Variants in DMD observed in about 807,000 individuals in gnomAD.
DMD encodes mutant dystrophin.
A neutral mutation model predicts 330.1 loss-of-function variants in DMD; 63 were observed. The ratio of observed to expected loss-of-function variants is 0.19; its 90% confidence interval spans 0.16 to 0.24. DMD has a LOEUF of 0.24. DMD is among the 10% of genes least tolerant of loss of function. DMD has a pLI of 1.00. For missense variants in DMD, 3,344 were observed against 2,684.1 expected, an observed-to-expected ratio of 1.25 and a Z score of -5.43; for synonymous variants, 1,223 against 959.8, an observed-to-expected ratio of 1.27 and a Z score of -5.07.
At chrX:32,528,702 T>G (rs892936406) in intron 17 of DMD, among the ~76,000 whole-genome samples, 4 of 111,046 alleles carry the variant, frequency 3.6e-5, no homozygotes, top group African/African-American at 9.8e-5. Flanking sequence ...CTCTGAAGCC[T>G]GCTAGCTAAA....
chrX:31,831,657 G>A (rs1305197147), intron 49 of DMD, among the ~76,000 whole-genome samples: 1 of 111,171 alleles, frequency 9.0e-6, no homozygotes, highest in Non-Finnish European at 1.9e-5. Context: ...GGAGTGCAGT[G>A]GCGTGATCTC....
intron 50 of DMD, among the ~76,000 whole-genome samples, chrX:31,803,998 C>T (rs893265514): frequency 3.6e-5 from 4 of 111,161 alleles, no homozygotes; most frequent in African/African-American, 1.3e-4. Context: ...CGTGCCTGGC[C>T]TCTCCTTTTA....
At chrX:31,997,823 T>C (rs2095599245) in intron 44 of DMD, among the ~76,000 whole-genome samples, 1 of 111,970 alleles carries the variant, frequency 8.9e-6, no homozygotes, top group African/African-American at 3.2e-5. Context: ...CTTTTAATAA[T>C]GAAAATTTCA....
intron 1 of DMD, among the ~76,000 whole-genome samples, chrX:33,109,214 T>C (rs1254707853): frequency 9.0e-6 from 1 of 111,346 alleles, no homozygotes; most frequent in Non-Finnish European, 1.9e-5. Context: ...TAACTAGTAG[T>C]GTCCATTCAG....
chrX:33,193,386 C>T (rs780049717), intron 1 of DMD, among the ~76,000 whole-genome samples: 6 of 112,239 alleles, frequency 5.3e-5, no homozygotes, highest in African/African-American at 1.9e-4. Flanking sequence ...AAATTTGGAA[C>T]CACTCTGAAG....
chrX:33,141,418 G>A (rs1197772044), intron 1 of DMD, among the ~76,000 whole-genome samples: 3 of 111,204 alleles, frequency 2.7e-5, no homozygotes, highest in Non-Finnish European at 3.8e-5. Context: ...AGTTGTAAAC[G>A]AGCAGTTACA....
At chrX:32,774,421 T>G (rs1385649728) in intron 7 of DMD, among the ~76,000 whole-genome samples, 1 of 111,778 alleles carries the variant, frequency 8.9e-6, no homozygotes, top group African/African-American at 3.3e-5. Context: ...AGTATACTTA[T>G]GTATTAGTCC....
rs757630248 is a variant in DMD, at chrX:31,897,371, C to T, written c.6913-21998G>A. Among the ~76,000 whole-genome samples the T allele has an allele frequency of 1.6e-4, 17 of 107,472 alleles. No individual in the cohort carries two copies. The East Asian group carries it at 2.0e-3, about 13-fold the overall frequency. The allele number at this position is 107,472 out of a possible 115,157, so 93.3% of individuals were successfully genotyped here. On this transcript the variant is annotated intron_variant, in intron 47 of 78. Coordinates refer to ENST00000357033, the MANE Select transcript of DMD (RefSeq NM_004006.3). ...AAGTCTTTGCTATTGTGAATAGCGC[C>T]GCAATAAACATACGTGTGCATGTGT...
intron 44 of DMD, among the ~76,000 whole-genome samples, chrX:32,199,430 T>G (rs948043786): frequency 2.7e-5 from 3 of 110,549 alleles, no homozygotes; most frequent in African/African-American, 9.9e-5. Flanking sequence ...TGCTGTTGGG[T>G]ACTGAGCCAC....
intron 44 of DMD, among the ~76,000 whole-genome samples, chrX:32,213,176 G>T (rs1330827555): frequency 2.7e-5 from 3 of 112,134 alleles, no homozygotes; most frequent in African/African-American, 9.7e-5. Flanking sequence ...TAATATATGG[G>T]CTGCTTGGTT....
chrX:32,226,671 A>C (rs745843059), intron 43 of DMD, among the ~76,000 whole-genome samples: 1 of 111,440 alleles, frequency 9.0e-6, no homozygotes, highest in African/African-American at 3.3e-5. Flanking sequence ...GCTTGGATAC[A>C]CTATTTTACC....
intron 67 of DMD, among the ~76,000 whole-genome samples, chrX:31,198,963 G>C: frequency 8.9e-6 from 1 of 111,765 alleles, no homozygotes. Flanking sequence ...TTCATATAGG[G>C]GATCACATTG....
intron 73 of DMD, among the ~76,000 whole-genome samples, chrX:31,170,194 G>C (rs760739835): frequency 3.0e-4 from 33 of 111,784 alleles, no homozygotes; most frequent in Middle Eastern, 4.6e-3. Flanking sequence ...ACAGAAGAAC[G>C]AAAATTAAGG....
At chrX:32,009,293 C>T (rs944193293) in intron 44 of DMD, among the ~76,000 whole-genome samples, 4 of 111,143 alleles carry the variant, frequency 3.6e-5, no homozygotes, top group African/African-American at 1.3e-4. Context: ...AGTTGCTTTC[C>T]AAGTTCATGG....
At chrX:32,039,265 T>C (rs1395879719) in intron 44 of DMD, among the ~76,000 whole-genome samples, 2 of 111,475 alleles carry the variant, frequency 1.8e-5, no homozygotes, top group African/African-American at 3.3e-5. Flanking sequence ...ATACTCTCAA[T>C]GGCCTCATGA....
At chrX:32,639,532 C>T (rs2059314072) in intron 11 of DMD, among the ~76,000 whole-genome samples, 1 of 112,441 alleles carries the variant, frequency 8.9e-6, no homozygotes, top group Non-Finnish European at 1.9e-5. Context: ...TGACCAGTAT[C>T]GGCACGTGCC....
At chrX:33,012,951 G>A (rs1404284904) in intron 2 of DMD, among the ~76,000 whole-genome samples, 1 of 110,692 alleles carries the variant, frequency 9.0e-6, no homozygotes, top group Non-Finnish European at 1.9e-5. Context: ...TGCATTTTGG[G>A]GTTACTAAAC....
chrX:31,389,655 A>G lies in DMD; in HGVS notation c.9085-41021T>C, dbSNP rs145518225. On this transcript the variant is annotated intron_variant, in intron 60 of 78. Coordinates refer to ENST00000357033, the MANE Select transcript of DMD (RefSeq NM_004006.3). ...TTCACACAGTTAGGATGAGGGTTAA[A>G]TGGAATAGACACATCTAAAGGTGCT... is the stretch of plus-strand genomic sequence containing the variant. 3.5e-4 allele frequency among the ~76,000 whole-genome samples: 39 copies of G among 112,632 alleles called. No homozygotes were observed. The East Asian group carries it at 5.0e-3, about 14-fold the overall frequency.
chrX:32,645,623 A>T (rs1158788042), intron 9 of DMD, among the ~76,000 whole-genome samples: 1 of 111,898 alleles, frequency 8.9e-6, no homozygotes, highest in Non-Finnish European at 1.9e-5. Flanking sequence ...CATCAGTAAG[A>T]AAACAAGGAG....
Sources: gnomAD v4.1 joint callset for allele counts (sites outside exome capture counted in the v4.1 genomes callset) on GRCh38, gnomAD v4.1.1 for gene constraint, MANE v1.5 for transcripts, NCBI Gene and HGNC (gene_info 2026-07-23, HGNC 2026-07-21) for gene names.